The following DGKB variants were observed in gnomAD, a reference collection of about 807,000 sequenced individuals.
DGKB encodes diacylglycerol kinase beta.
In DGKB, 67 loss-of-function variants were observed where a neutral mutation model predicts 114.3. The ratio of observed to expected loss-of-function variants is 0.59; its 90% CI spans 0.48 to 0.72. DGKB has a LOEUF of 0.72. Among genes scored for constraint, DGKB ranks in the 30% least tolerant of loss-of-function variants. The pLI is 0.00. For missense variants in DGKB, 907 were observed against 975.2 expected (o/e 0.93, Z 0.93); for synonymous variants, 398 against 323.1 (o/e 1.23, Z -2.49).
upstream of DGKB, among the ~76,000 whole-genome samples, chr7:14,904,396 G>C (rs1783551470): frequency 6.6e-6 from 1 of 152,046 alleles, no homozygotes; most frequent in African/African-American, 2.4e-5. Context: ...CCAGTTGTTA[G>C]GGCTTGTGTA....
intron 21 of DGKB, among the ~76,000 whole-genome samples, chr7:14,373,264 G>A (rs80000604): frequency 0.043 from 6,510 of 152,046 alleles, 196 homozygotes; most frequent in Middle Eastern, 0.072. Flanking sequence ...TTGTTACCTT[G>A]GTGTAACGCT....
At chr7:14,821,835 G>C (rs1844980678) in intron 2 of DGKB, among the ~76,000 whole-genome samples, 1 of 152,160 alleles carries the variant, frequency 6.6e-6, no homozygotes, top group Non-Finnish European at 1.5e-5. Flanking sequence ...CCAAGAAGGA[G>C]GATCCTGTGG....
At chr7:14,755,757 G>C (rs542776293) in intron 3 of DGKB, among the ~76,000 whole-genome samples, 25 of 152,144 alleles carry the variant, frequency 1.6e-4, no homozygotes, top group African/African-American at 6.0e-4. Flanking sequence ...ATACATACTA[G>C]TTTTTTAAAT....
At chr7:14,449,478 C>G (rs1407348675) in intron 21 of DGKB, among the ~76,000 whole-genome samples, 3 of 151,950 alleles carry the variant, frequency 2.0e-5, no homozygotes, top group African/African-American at 4.8e-5. Flanking sequence ...CCAAACACCC[C>G]CTACACTTGG....
intron 20 of DGKB, among the ~76,000 whole-genome samples, chr7:14,500,453 A>G (rs1236917058): frequency 6.7e-6 from 1 of 148,666 alleles, no homozygotes; most frequent in Non-Finnish European, 1.5e-5. Context: ...AAGAAAATGA[A>G]CCAAACTAAA....
chr7:14,222,607 G>A (rs990215881), intron 23 of DGKB, among the ~76,000 whole-genome samples: 2 of 151,282 alleles, frequency 1.3e-5, no homozygotes, highest in Non-Finnish European at 3.0e-5. Flanking sequence ...TACAGTTGTT[G>A]GCTGGAGTTT....
intron 1 of DGKB, among the ~76,000 whole-genome samples, chr7:14,878,127 A>G (rs1161044382): frequency 6.6e-6 from 1 of 152,148 alleles, no homozygotes; most frequent in Non-Finnish European, 1.5e-5. Flanking sequence ...GCCTGTCCAC[A>G]AAAATTATCT....
intron 2 of DGKB, among the ~76,000 whole-genome samples, chr7:14,807,938 T>C (rs1842966996): frequency 6.6e-6 from 1 of 152,040 alleles, no homozygotes; most frequent in Admixed American, 6.6e-5. Context: ...GGAATAGATA[T>C]CATGATGTCT....
intron 25 of DGKB, among the ~76,000 whole-genome samples, chr7:14,168,201 A>G (rs1784883605): frequency 6.6e-6 from 1 of 152,212 alleles, no homozygotes; most frequent in Admixed American, 6.5e-5. Context: ...CAACAACAGA[A>G]TGGAGATAAA....
At chr7:14,851,901 G>A (rs1239616357) in intron 1 of DGKB, among the ~76,000 whole-genome samples, 1 of 152,120 alleles carries the variant, frequency 6.6e-6, no homozygotes, top group Non-Finnish European at 1.5e-5. Flanking sequence ...GATGATTGCA[G>A]CCCAAGCTGT....
chr7:14,723,438 A>G (rs753826395), intron 5 of DGKB, among the ~76,000 whole-genome samples: 4 of 152,198 alleles, frequency 2.6e-5, no homozygotes, highest in Non-Finnish European at 5.9e-5. Context: ...AGAGCTAAAT[A>G]TTGCTTCAGA....
intron 20 of DGKB, among the ~76,000 whole-genome samples, chr7:14,484,514 T>C (rs1032582875): frequency 6.6e-6 from 1 of 152,184 alleles, no homozygotes; most frequent in Non-Finnish European, 1.5e-5. Flanking sequence ...CCCCCACCTC[T>C]TGCTCCTGCT....
rs17168565 is a variant in DGKB at position 14,971,749 on chromosome 7, G to C, written c.-188+2947C>G. On this transcript the variant is annotated intron_variant, in intron 1 of 4. Transcript: ENST00000437998. The stretch of plus-strand genomic sequence containing the variant: ...GCAATACCTAAACTTGCCTACAAAA[G>C]GATATTGAAAGCATTTTTTTTTTTT... Among the ~76,000 whole-genome samples the C allele has an allele frequency of 2.5e-4, 38 of 150,296 alleles. No individual in the cohort carries two copies. The East Asian group carries it at 7.2e-3, about 29-fold the overall frequency.
intron 1 of DGKB, among the ~76,000 whole-genome samples, chr7:14,926,062 A>C (rs1784733215): frequency 6.6e-6 from 1 of 152,154 alleles, no homozygotes; most frequent in African/African-American, 2.4e-5. Context: ...AATTGAAAGA[A>C]AAATCCTATA....
chr7:14,691,429 G>A (rs1206832805), intron 9 of DGKB, among the ~76,000 whole-genome samples: 1 of 152,156 alleles, frequency 6.6e-6, no homozygotes, highest in Non-Finnish European at 1.5e-5. Flanking sequence ...TGAGGGGATA[G>A]ATTCATGGAT....
chr7:14,874,325 G>A (rs944469205), intron 1 of DGKB, among the ~76,000 whole-genome samples: 6 of 151,970 alleles, frequency 3.9e-5, no homozygotes, highest in African/African-American at 1.4e-4. Context: ...ACAAAAATAC[G>A]ATTTTTAGAG....
intron 20 of DGKB, among the ~76,000 whole-genome samples, chr7:14,531,073 G>A (rs756782800): frequency 6.6e-6 from 1 of 151,544 alleles, no homozygotes; most frequent in Admixed American, 6.6e-5. Context: ...TACACATAAA[G>A]TGCAGCTTGT....
chr7:14,730,551 A>C (rs1830754678), intron 5 of DGKB, among the ~76,000 whole-genome samples: 1 of 152,222 alleles, frequency 6.6e-6, no homozygotes, highest in Non-Finnish European at 1.5e-5. Context: ...AGCAGGTTTA[A>C]GTCACAGCAA....
intron 4 of DGKB, among the ~76,000 whole-genome samples, chr7:14,747,775 G>GCGTGCGCGCGCACACACA: frequency 2.0e-5 from 3 of 149,178 alleles, no homozygotes; most frequent in Admixed American, 1.3e-4. Context: ...ACATCCACGC[G>GCGTGCGCGCGCACACACA]CACGCACACA....
Sources: gnomAD v4.1 joint callset for allele counts (sites outside exome capture counted in the v4.1 genomes callset) on GRCh38, gnomAD v4.1.1 for gene constraint, MANE v1.5 for transcripts, NCBI Gene and HGNC (gene_info 2026-07-23, HGNC 2026-07-21) for gene names.